DSCAML1: variants seen among roughly 807,000 people sequenced by gnomAD.
DSCAML1 encodes the protein cell adhesion molecule DSCAML1.
In DSCAML1, 38 loss-of-function variants were observed where a neutral mutation model predicts 200.5. That is an observed-to-expected ratio of 0.19 (90% CI 0.15 to 0.25). The LOEUF (loss-of-function observed/expected upper bound fraction) is 0.25. Among genes scored for constraint, DSCAML1 ranks in the 10% least tolerant of loss-of-function variants. The pLI is 1.00. For missense variants in DSCAML1, 2,223 were observed against 2,858.8 expected, an observed-to-expected ratio of 0.78 and a Z score of 5.07; for synonymous variants, 1,215 against 1,165.0, an observed-to-expected ratio of 1.04 and a Z score of -0.87.
chr11:117,482,849 C>T (rs1407326914), intron 11 of DSCAML1, among the ~76,000 whole-genome samples: 1 of 152,198 alleles, frequency 6.6e-6, no homozygotes, highest in Non-Finnish European at 1.5e-5. Flanking sequence ...GGCCTCTGGA[C>T]CCCAGGTTAA....
chr11:117,469,521 T>C lies in DSCAML1; in HGVS notation c.3024+389A>G, dbSNP rs980523292. On this transcript the variant is annotated intron_variant, in intron 16 of 32. Coordinates refer to ENST00000651296, the MANE Select transcript of DSCAML1 (RefSeq NM_020693.4). The surrounding 1 kb of genome is among the most constrained non-coding windows in gnomAD (Gnocchi z 4.1). ...CCACCCTCAGAGGTAGGGAGGGCAG[T>C]TGTTTTCATGCTGATGTTAGAAAGG... is the stretch of plus-strand genomic sequence containing the variant. 1.3e-5 allele frequency among the ~76,000 whole-genome samples: 2 copies of C among 151,616 alleles called. No individual in the cohort carries two copies. The highest frequency in any genetic ancestry group is 4.9e-5 in the African/African-American group (2 of 40,906).
intron 3 of DSCAML1, among the ~76,000 whole-genome samples, chr11:117,682,424 C>T (rs961079912): frequency 1.3e-5 from 2 of 152,216 alleles, no homozygotes; most frequent in Admixed American, 6.5e-5. Context: ...CCTACCTCAC[C>T]TAGAAGAGTT....
chr11:117,574,836 C>T (rs1017147401), intron 3 of DSCAML1, among the ~76,000 whole-genome samples: 4 of 152,172 alleles, frequency 2.6e-5, no homozygotes, highest in African/African-American at 9.7e-5. Flanking sequence ...CACTGCCTGG[C>T]CTGGGAAGGG....
chr11:117,713,452 A>C (rs1400863493), intron 3 of DSCAML1, among the ~76,000 whole-genome samples: 2 of 151,652 alleles, frequency 1.3e-5, no homozygotes, highest in Non-Finnish European at 1.5e-5. Context: ...TCCCATCCCT[A>C]ATCAGTCACC....
In DSCAML1 at chr11:117,816,798, T is replaced by TG. The variant is rs1024946477; in HGVS notation, c.-250+591dup. Among the ~76,000 whole-genome samples the TG allele has an allele frequency of 1.1e-3, 112 of 100,270 alleles. 2 individuals carry two copies. Among genetic ancestry groups the TG allele is most frequent in the African/African-American group, 2.0e-3 (59 of 29,072 alleles). The allele number at this position is 100,270 out of a possible 152,430, so 65.8% of individuals were successfully genotyped here. On this transcript the variant is annotated intron_variant, in intron 1 of 2. Transcript: ENST00000525836. ...TACAAGAGAGAGAGTTCGGAATTGC[T>TG]GGGGGGGTGGGGTGGAGATTTCTCC...
At position 117,532,532 on chromosome 11, in the gene DSCAML1, C is replaced by T. The variant is rs772455769; in HGVS notation, c.512-10G>A. ...ATAAAAAACCTGTGTTCTGGAGACA[C>T]AATCAGGACATAGTTCGTTACTTCC... On this transcript the variant is annotated splice_polypyrimidine_tract_variant and intron_variant, in intron 3 of 32. Transcript: ENST00000651296. 3.1e-6 allele frequency: 5 copies of T among 1,611,998 alleles called. No individual in the cohort carries two copies. The highest frequency in any genetic ancestry group is 4.2e-6 in the Non-Finnish European group (5 of 1,178,978).
At chr11:117,743,625 C>T (rs1023854876) in intron 3 of DSCAML1, among the ~76,000 whole-genome samples, 2 of 152,176 alleles carry the variant, frequency 1.3e-5, no homozygotes, top group African/African-American at 4.8e-5. Flanking sequence ...GGCAGCAGGT[C>T]CTCCCCAAGC....
intron 1 of DSCAML1, among the ~76,000 whole-genome samples, chr11:117,791,390 C>T (rs2055464355): frequency 6.6e-6 from 1 of 152,228 alleles, no homozygotes; most frequent in Non-Finnish European, 1.5e-5. Context: ...AGGGCTCCCT[C>T]GCTTTGTGAG....
At chr11:117,557,007 A>T (rs910611071) in intron 3 of DSCAML1, among the ~76,000 whole-genome samples, 10 of 152,230 alleles carry the variant, frequency 6.6e-5, no homozygotes, top group African/African-American at 2.2e-4. Flanking sequence ...AGATGGATGC[A>T]GGGAAGGGAC....
chr11:117,486,334 AAT>A, intron 11 of DSCAML1, among the ~76,000 whole-genome samples: 11 of 151,286 alleles, frequency 7.3e-5, no homozygotes, highest in Admixed American at 1.3e-4. Flanking sequence ...CGGATGTGAA[AAT>A]GGCGGATGTG....
chr11:117,696,171 C>T (rs919785530), intron 3 of DSCAML1, among the ~76,000 whole-genome samples: 3 of 152,130 alleles, frequency 2.0e-5, no homozygotes, highest in African/African-American at 7.2e-5. Flanking sequence ...CATGGGGAGA[C>T]GGGAGCAAGA....
At chr11:117,507,978 A>G (rs2049536579) in intron 8 of DSCAML1, among the ~76,000 whole-genome samples, 1 of 150,862 alleles carries the variant, frequency 6.6e-6, no homozygotes, top group African/African-American at 2.4e-5. Context: ...CATTCCTGAG[A>G]CCTCCCCGAG....
At chr11:117,582,945 A>C (rs2051069570) in intron 3 of DSCAML1, among the ~76,000 whole-genome samples, 1 of 152,060 alleles carries the variant, frequency 6.6e-6, no homozygotes, top group African/African-American at 2.4e-5. Context: ...AAGTGTTTTC[A>C]TAACATGATC....
intron 27 of DSCAML1, among the ~76,000 whole-genome samples, chr11:117,435,399 G>A (rs545991967): frequency 6.6e-6 from 1 of 152,368 alleles, no homozygotes; most frequent in East Asian, 1.9e-4. Context: ...GGCTTTACCA[G>A]TGTGTACCTC....
chr11:117,459,426 G>A (rs995122710), intron 18 of DSCAML1, among the ~76,000 whole-genome samples: 1 of 152,216 alleles, frequency 6.6e-6, no homozygotes, highest in African/African-American at 2.4e-5. Context: ...CCCTGCCTCT[G>A]ACCACTCCTG....
Position 117,437,351 on chromosome 11 carries a change from C to CCGAGCATG in DSCAML1, c.4483_4490dup (p.Leu1498MetfsTer44), listed in dbSNP as rs1344405813. 1.9e-6 allele frequency: 3 copies of CCGAGCATG among 1,614,098 alleles called. No individual in the cohort carries two copies. Among genetic ancestry groups the CCGAGCATG allele is most frequent in the Admixed American group, 1.7e-5 (1 of 60,014 alleles). On this transcript the variant is annotated frameshift_variant, in exon 26 of 33. Transcript: ENST00000651296. LOFTEE classifies it high-confidence loss of function. The surrounding 1 kb of genome is among the most constrained non-coding windows in gnomAD (Gnocchi z 5.3). The stretch of plus-strand genomic sequence containing the variant: ...CATTGTTCCAGCCCTGCAGGTTAAG[C>CCGAGCATG]CGAGCATGCGTGGAGTTGATGTGGG...
intron 3 of DSCAML1, among the ~76,000 whole-genome samples, chr11:117,651,861 C>G (rs1425903719): frequency 1.3e-5 from 2 of 152,148 alleles, no homozygotes; most frequent in Non-Finnish European, 2.9e-5. Flanking sequence ...TCTCCCCGAG[C>G]CTCTGCAGAA....
At position 117,489,729 on chromosome 11, in the gene DSCAML1, C is replaced by T. The variant is rs990283201; in HGVS notation, c.2360-7567G>A. Among the ~76,000 whole-genome samples the T allele has an allele frequency of 1.3e-5, 2 of 152,226 alleles. No individual in the cohort carries two copies. Among genetic ancestry groups the T allele is most frequent in the Admixed American group, 1.3e-4 (2 of 15,294 alleles). ...CATACTCTGGTGGAGGCCAAGGAGG[C>T]TTCCTGATGACTTCCAGGGCTCTTC... On this transcript the variant is annotated intron_variant, in intron 11 of 32. Transcript: ENST00000651296. This position sits in a 1 kb window ranked among gnomAD's most constrained non-coding sequence, Gnocchi z 4.8.
intron 3 of DSCAML1, among the ~76,000 whole-genome samples, chr11:117,719,325 G>A (rs116150234): frequency 2.1e-3 from 320 of 152,274 alleles, no homozygotes; most frequent in African/African-American, 7.5e-3. Flanking sequence ...AGGTGATGGT[G>A]CAAGCCTACT....
Sources: gnomAD v4.1 joint callset for allele counts (sites outside exome capture counted in the v4.1 genomes callset) on GRCh38, gnomAD v4.1.1 for gene constraint, Gnocchi (gnomAD v3.1) non-coding constraint, MANE v1.5 for transcripts, NCBI Gene and HGNC (gene_info 2026-07-23, HGNC 2026-07-21) for gene names.